Variants in FILIP1L observed in about 807,000 individuals in gnomAD.
FILIP1L encodes the protein filamin A interacting protein 1 like, also known as filamin A-interacting protein 1-like.
Under a neutral mutation model 96.6 loss-of-function variants are expected in FILIP1L, and 55 were observed. That is an observed-to-expected ratio of 0.57 (90% CI 0.46 to 0.71). The LOEUF (loss-of-function observed/expected upper bound fraction) is 0.71. FILIP1L is among the 30% of genes least tolerant of loss of function. The pLI is 0.00. For missense variants in FILIP1L, 1,304 were observed against 1,321.2 expected, an observed-to-expected ratio of 0.99 and a Z score of 0.20; for synonymous variants, 467 against 473.9, an observed-to-expected ratio of 0.99 and a Z score of 0.19.
intron 1 of FILIP1L, chr3:100,039,739 C>G (rs1313411824): frequency 6.6e-6 from 1 of 151,558 alleles, no homozygotes; most frequent in African/African-American, 2.4e-5. Flanking sequence ...GTTTTCTTCA[C>G]AGTTAACGAC....
At chr3:100,017,947 AT>A (rs1160369034) in intron 1 of FILIP1L, among the ~76,000 whole-genome samples, 1 of 152,148 alleles carries the variant, frequency 6.6e-6, no homozygotes, top group Non-Finnish European at 1.5e-5. Flanking sequence ...AGCCTCCATA[AT>A]TGCCTGGAGC....
At chr3:99,917,536 C>G (rs1056214856) in intron 4 of FILIP1L, among the ~76,000 whole-genome samples, 1 of 152,120 alleles carries the variant, frequency 6.6e-6, no homozygotes, top group African/African-American at 2.4e-5. Context: ...AGAGGCCTCA[C>G]TTTTCTCAAT....
chr3:99,902,211 A>G (rs747475519), intron 4 of FILIP1L, among the ~76,000 whole-genome samples: 1 of 152,334 alleles, frequency 6.6e-6, no homozygotes, highest in East Asian at 1.9e-4. Flanking sequence ...TCTTAGTACC[A>G]TGTGACATTT....
chr3:99,992,711 T>A (rs1422711658), intron 1 of FILIP1L, among the ~76,000 whole-genome samples: 1 of 152,134 alleles, frequency 6.6e-6, no homozygotes, highest in Non-Finnish European at 1.5e-5. Context: ...GCATTTGCTT[T>A]TGAGGACTTG....
At chr3:100,092,574 A>T (rs1310208830) in intron 1 of FILIP1L, among the ~76,000 whole-genome samples, 5 of 150,810 alleles carry the variant, frequency 3.3e-5, no homozygotes, top group African/African-American at 9.8e-5. Flanking sequence ...CCCAGTACAC[A>T]TACCCCAGTT....
chr3:99,895,974 A>G (rs1364045166), intron 4 of FILIP1L, among the ~76,000 whole-genome samples: 1 of 152,210 alleles, frequency 6.6e-6, no homozygotes, highest in South Asian at 2.1e-4. Context: ...TAGAGGAGAC[A>G]TGTGGCTCAC....
chr3:99,985,352 C>T (rs1709307072), intron 1 of FILIP1L, among the ~76,000 whole-genome samples: 1 of 151,842 alleles, frequency 6.6e-6, no homozygotes, highest in Non-Finnish European at 1.5e-5. Flanking sequence ...AACAACATGG[C>T]GAAACCTCAT....
chr3:100,047,135 G>A (rs889969161), intron 1 of FILIP1L, among the ~76,000 whole-genome samples: 1 of 152,090 alleles, frequency 6.6e-6, no homozygotes, highest in Non-Finnish European at 1.5e-5. Context: ...TGGTAAAATG[G>A]GTATAATACT....
At chr3:99,968,702 G>A (rs1473444447) in intron 1 of FILIP1L, among the ~76,000 whole-genome samples, 1 of 152,092 alleles carries the variant, frequency 6.6e-6, no homozygotes, top group Admixed American at 6.5e-5. Context: ...AGACTGGAAA[G>A]GAAAAAACAG....
chr3:99,991,934 GTATGTGTATA>G (rs944271721), intron 1 of FILIP1L, among the ~76,000 whole-genome samples: 142 of 144,808 alleles, frequency 9.8e-4, no homozygotes, highest in Non-Finnish European at 1.6e-3. Flanking sequence ...ACACACATAT[GTATGTGTATA>G]TATGTGTATA....
intron 4 of FILIP1L, among the ~76,000 whole-genome samples, chr3:99,902,962 T>C (rs1190081156): frequency 6.6e-6 from 1 of 152,208 alleles, no homozygotes; most frequent in African/African-American, 2.4e-5. Context: ...ATACTCCTGT[T>C]CACCTAAACC....
At chr3:100,040,219 C>A (rs2065180585) in intron 1 of FILIP1L, 1 of 152,064 alleles carries the variant, frequency 6.6e-6, no homozygotes, top group South Asian at 2.1e-4. Flanking sequence ...TTACCACTTA[C>A]AACATAAGAT....
chr3:100,086,505 T>C (rs1323103133), intron 1 of FILIP1L, among the ~76,000 whole-genome samples: 2 of 152,200 alleles, frequency 1.3e-5, no homozygotes, highest in African/African-American at 4.8e-5. Flanking sequence ...AATACTTTTT[T>C]TACAATTTGT....
At chr3:100,084,232 G>A (rs2065972604) in intron 1 of FILIP1L, among the ~76,000 whole-genome samples, 1 of 152,126 alleles carries the variant, frequency 6.6e-6, no homozygotes, top group Admixed American at 6.6e-5. Flanking sequence ...AACTTTAATA[G>A]CAGCCTTTGG....
intron 1 of FILIP1L, among the ~76,000 whole-genome samples, chr3:99,955,733 T>A (rs1559702469): frequency 1.3e-5 from 2 of 152,098 alleles, no homozygotes; most frequent in East Asian, 3.8e-4. Flanking sequence ...AATTGCTTGA[T>A]TTTACATAGA....
chr3:100,004,417 CTG>C (rs776312885), intron 1 of FILIP1L, among the ~76,000 whole-genome samples: 1 of 152,086 alleles, frequency 6.6e-6, no homozygotes, highest in Non-Finnish European at 1.5e-5. Context: ...CATAAGAGAA[CTG>C]TGTTACCACT....
chr3:99,997,444 C>T (rs1352608019), intron 1 of FILIP1L, among the ~76,000 whole-genome samples: 2 of 152,142 alleles, frequency 1.3e-5, no homozygotes, highest in Admixed American at 1.3e-4. Flanking sequence ...GTGACAAATC[C>T]AGATTTTGAG....
chr3:100,099,231 A>C (rs948978505), intron 1 of FILIP1L, among the ~76,000 whole-genome samples: 2 of 152,218 alleles, frequency 1.3e-5, no homozygotes, highest in Non-Finnish European at 2.9e-5. Context: ...AATATTTATC[A>C]TCTTAGTACG....
At chr3:99,904,712 A>C (rs1293948940) in intron 4 of FILIP1L, among the ~76,000 whole-genome samples, 3 of 151,560 alleles carry the variant, frequency 2.0e-5, no homozygotes, top group African/African-American at 7.3e-5. Flanking sequence ...TGTAGCAACT[A>C]CCTCCTTCTT....
Sources: gnomAD v4.1 joint callset for allele counts (sites outside exome capture counted in the v4.1 genomes callset) on GRCh38, gnomAD v4.1.1 for gene constraint, MANE v1.5 for transcripts, NCBI Gene and HGNC (gene_info 2026-07-23, HGNC 2026-07-21) for gene names.